HEATR4: variants seen among roughly 807,000 people sequenced by gnomAD.
HEATR4 encodes the protein HEAT repeat containing 4, also known as HEAT repeat-containing protein 4.
Under a neutral mutation model 108.8 loss-of-function variants are expected in HEATR4, and 95 were observed. The ratio of observed to expected loss-of-function variants is 0.87; its 90% CI spans 0.74 to 1.04. The LOEUF (loss-of-function observed/expected upper bound fraction) is 1.04. Ranked by LOEUF, HEATR4 falls within the 50% of genes least tolerant of loss-of-function variation. HEATR4 has a pLI of 0.00. For synonymous variants in HEATR4, 443 were observed against 459.4 expected, an observed-to-expected ratio of 0.96 and a Z score of 0.46; for missense variants, 1,152 against 1,253.8, an observed-to-expected ratio of 0.92 and a Z score of 1.23.
intron 4 of HEATR4, 192 bp downstream of exon 4, chr14:73,520,660 G>C: frequency 1.8e-6 from 1 of 550,158 alleles, no homozygotes; most frequent in South Asian, 2.7e-5. Flanking sequence ...AGAGAGAGCA[G>C]TTCCCTCCCT....
chr14:73,562,577 G>A (rs1889544916), upstream of HEATR4, among the ~76,000 whole-genome samples: 2 of 152,002 alleles, frequency 1.3e-5, no homozygotes, highest in Non-Finnish European at 2.9e-5. Flanking sequence ...ACAAACGGAC[G>A]TGCAAGTAGG....
the HEATR4 span, among the ~76,000 whole-genome samples, chr14:73,579,574 A>T: frequency 7.5e-5 from 1 of 13,264 alleles, no homozygotes; most frequent in African/African-American, 5.8e-4. Flanking sequence ...AAGCCGTCTC[A>T]AAAAAAAAAA....
At chr14:73,586,806 G>C in the HEATR4 span, among the ~76,000 whole-genome samples, 1 of 151,938 alleles carries the variant, frequency 6.6e-6, no homozygotes, top group Admixed American at 6.6e-5. Context: ...CAAATTTCTG[G>C]GCTCAAGCCA....
chr14:73,592,561 G>A, the HEATR4 span: 6 of 1,067,820 alleles, frequency 5.6e-6, no homozygotes, highest in Admixed American at 1.8e-4. Flanking sequence ...TACCAAAATA[G>A]AGGGTTTGGT....
the HEATR4 span, chr14:73,591,969 A>G: frequency 4.3e-6 from 6 of 1,387,576 alleles, no homozygotes; most frequent in East Asian, 6.1e-5. Context: ...GATGTCAGCA[A>G]CGCTGATCCT....
chr14:73,605,930 T>G, the HEATR4 span, among the ~76,000 whole-genome samples: 1 of 152,112 alleles, frequency 6.6e-6, no homozygotes. Context: ...TTGAGATACT[T>G]TGCAGACCCT....
chr14:73,614,233 GC>G, the HEATR4 span, among the ~76,000 whole-genome samples: 1 of 151,982 alleles, frequency 6.6e-6, no homozygotes. Context: ...TTCTAGAGTT[GC>G]AACAGCACAT....
chr14:73,579,748 C>G, the HEATR4 span, among the ~76,000 whole-genome samples: 3,874 of 151,852 alleles, frequency 0.026, 172 homozygotes, highest in African/African-American at 0.086. Context: ...GGAACCACTA[C>G]GTAAACAATA....
rs753804577 is a variant in HEATR4, at chr14:73,506,591, G to C, written c.1882-20C>G. 2 of 1,549,492 alleles carry C rather than the reference G, an allele frequency of 1.3e-6. No individual in the cohort carries two copies. The highest frequency in any genetic ancestry group is 1.8e-6 in the Non-Finnish European group (2 of 1,123,518). On this transcript the variant is annotated intron_variant, in intron 9 of 17. Coordinates refer to ENST00000553558, the MANE Select transcript of HEATR4 (RefSeq NM_001220484.1). ...CAGGGTCTGAGGAAATGGAAGACTT[G>C]TATGGATATTCACAATCACTTTTAG...
rs746274031 is a variant in HEATR4, at chr14:73,531,747, G to A, written c.-151-1503C>T. 8.0e-5 allele frequency among the ~76,000 whole-genome samples: 9 copies of A among 112,846 alleles called. 2 individuals are homozygous for A. Among genetic ancestry groups the A allele is most frequent in the African/African-American group, 1.2e-4 (4 of 34,760 alleles). 74.0% of individuals were successfully genotyped at this position (112,846 alleles called of 152,430 possible). ...TTTGAAAAATAAACCTCAGCCAGGCGCAATGGCTGACACCTGTAATCCCAG... is the reference window on the plus strand; with the variant it reads ...TTTGAAAAATAAACCTCAGCCAGGCACAATGGCTGACACCTGTAATCCCAG... On this transcript the variant is annotated intron_variant, in intron 1 of 17. Transcript: ENST00000553558.
the HEATR4 span, chr14:73,619,359 AGC>A: frequency 1.2e-6 from 2 of 1,614,196 alleles, no homozygotes; most frequent in East Asian, 4.5e-5. Context: ...CCAACACAGT[AGC>A]TCCTCTACAT....
In HEATR4 at chr14:73,538,005, C is replaced by CCCA. The variant is rs1202604246; in HGVS notation, c.-151-7764_-151-7762dup. The CCCA allele has an allele frequency of 2.0e-3, 1,624 of 812,328 alleles. 323 individuals are homozygous for CCCA. Among genetic ancestry groups the CCCA allele is most frequent in the Middle Eastern group, 6.5e-3 (16 of 2,470 alleles). 50.3% of individuals were successfully genotyped at this position (812,328 alleles called of 1,614,324 possible). Reference sequence around the variant, plus strand: ...CTTGTGTGTGTGTCCCTCCTCCCGCCCCACCACCACCACCCCGGGCTATGT... The same window carrying CCCA: ...CTTGTGTGTGTGTCCCTCCTCCCGCCCCACCACCACCACCACCCCGGGCTATGT... On this transcript the variant is annotated intron_variant, in intron 1 of 17. Coordinates refer to ENST00000553558, the MANE Select transcript of HEATR4 (RefSeq NM_001220484.1).
chr14:73,591,406 C>T, the HEATR4 span, among the ~76,000 whole-genome samples: 37 of 152,054 alleles, frequency 2.4e-4, no homozygotes, highest in Non-Finnish European at 4.9e-4. Flanking sequence ...AAATTAGCGG[C>T]ATGGTGGCGC....
the HEATR4 span, chr14:73,594,953 C>T: frequency 6.8e-7 from 1 of 1,461,926 alleles, no homozygotes; most frequent in Non-Finnish European, 9.3e-7. Flanking sequence ...GATCCGCCCG[C>T]CTCCGCCTCG....
At chr14:73,538,269 C>T (rs1294962530) in intron 1 of HEATR4, among the ~76,000 whole-genome samples, 1 of 114,674 alleles carries the variant, frequency 8.7e-6, no homozygotes, top group Non-Finnish European at 1.9e-5. Context: ...TGGGGAATTG[C>T]CCCTGCCGCT....
chr14:73,592,178 G>T, the HEATR4 span: 1 of 1,605,718 alleles, frequency 6.2e-7, no homozygotes, highest in East Asian at 2.3e-5. Flanking sequence ...GCAGCTTCGC[G>T]GGACTCGAGC....
rs150383021 is a variant in HEATR4, at chr14:73,483,363, G to T, written c.2845-4521C>A. 5.0e-3 allele frequency among the ~76,000 whole-genome samples: 755 copies of T among 152,120 alleles called. 10 individuals carry two copies. Among genetic ancestry groups the T allele is most frequent in the African/African-American group, 0.017 (723 of 41,518 alleles). On this transcript the variant is annotated intron_variant, in intron 17 of 17. Transcript: ENST00000553558. ...TGTTTGTTTGTTTTTTAGAGACCTG[G>T]TCTTACTATGTTGCCCCAGCTGCCA...
chr14:73,622,591 G>C, the HEATR4 span, among the ~76,000 whole-genome samples: 1 of 152,070 alleles, frequency 6.6e-6, no homozygotes, highest in Non-Finnish European at 1.5e-5. Context: ...GTAGAGAAAG[G>C]GTTTCTCCAT....
intron 2 of HEATR4, among the ~76,000 whole-genome samples, chr14:73,524,127 C>T (rs1291448574): frequency 6.6e-6 from 1 of 151,298 alleles, no homozygotes; most frequent in Non-Finnish European, 1.5e-5. Context: ...CCCATCTCTA[C>T]TAAAAATACA....
Sources: allele counts gnomAD v4.1 joint callset (sites outside exome capture counted in the v4.1 genomes callset), GRCh38; gene constraint gnomAD v4.1.1; transcripts MANE v1.5; gene names NCBI Gene and HGNC (gene_info 2026-07-23, HGNC 2026-07-21).